Variants in BCKDHA observed in about 807,000 individuals in gnomAD.
BCKDHA encodes the protein 2-oxoisovalerate dehydrogenase subunit alpha, mitochondrial.
A neutral mutation model predicts 52.2 loss-of-function variants in BCKDHA; 43 were observed. That is an observed-to-expected ratio of 0.82 (90% confidence interval 0.64 to 1.06). The LOEUF (loss-of-function observed/expected upper bound fraction) is 1.06. Among genes scored for constraint, BCKDHA ranks in the 50% least tolerant of loss-of-function variants. The pLI is 0.00. For missense variants in BCKDHA, 527 were observed against 621.3 expected, an observed-to-expected ratio of 0.85 and a Z score of 1.61; for synonymous variants, 234 against 247.9, an observed-to-expected ratio of 0.94 and a Z score of 0.53.
intron 6 of BCKDHA, 21 bp from the exon 7 acceptor site, chr19:41,422,608 G>C: frequency 6.2e-7 from 1 of 1,613,588 alleles, no homozygotes; most frequent in Middle Eastern, 1.6e-4. Flanking sequence ...GGCCTGACCT[G>C]CCTTCTCTGT....
At position 41,410,687 on chromosome 19, in the gene BCKDHA, G is replaced by C. The variant is rs775471043; in HGVS notation, c.159G>C (p.Gln53His). 134 of 1,614,074 alleles carry C rather than the reference G, an allele frequency of 8.3e-5. No individual in the cohort carries two copies. Among genetic ancestry groups the C allele is most frequent in the Admixed American group, 6.7e-5 (4 of 60,004 alleles). Reference sequence around the variant, plus strand: ...TTTCATCTCTGGATGACAAGCCCCAGTTCCCAGGGGCCTCGGCGGAGTTTA... The same window carrying C: ...TTTCATCTCTGGATGACAAGCCCCACTTCCCAGGGGCCTCGGCGGAGTTTA... ...QQFSSLDDKPQFPGASAEFID... is the reference protein window; with the variant it reads ...QQFSSLDDKPHFPGASAEFID... The change falls in exon 2 of 9, where the codon CAG becomes CAC. Residue 53 changes from glutamine (Q) to histidine (H), a missense_variant. Transcript: ENST00000269980.
Position 41,408,100 on chromosome 19 carries a change from C to T in BCKDHA, c.109-2537C>T, listed in dbSNP as rs531479887. On this transcript the variant is annotated intron_variant, in intron 1 of 8. Transcript: ENST00000269980. Reference sequence around the variant, plus strand: ...CCTCCCAAGTAGCTGGGACCACAGGCATGTGTCACCATGCCTTTCTAATGT... The same window carrying T: ...CCTCCCAAGTAGCTGGGACCACAGGTATGTGTCACCATGCCTTTCTAATGT... Among the ~76,000 whole-genome samples the T allele has an allele frequency of 1.1e-4, 16 of 151,914 alleles. No individual in the cohort carries two copies. The South Asian group carries it at 3.3e-3, about 32-fold the overall frequency.
chr19:41,397,916 C>T lies in BCKDHA; in HGVS notation c.89C>T (p.Ala30Val), dbSNP rs1441070897. ...CTCCTGCTGCTGCGGCAGCCTGGGG[C>T]TCGGGGACTGGCTAGATCTGTGAGT... ...AALLLLRQPG[A>V]RGLARSHPPR... Residue 30 changes from alanine (A) to valine (V), a missense_variant, in exon 1 of 9, where the codon GCT (alanine) becomes GTT (valine). Coordinates refer to ENST00000269980, the MANE Select transcript of BCKDHA (RefSeq NM_000709.4). 6.2e-7 allele frequency: 1 copy of T among 1,614,012 alleles called. No homozygotes were observed. Among genetic ancestry groups the T allele is most frequent in the East Asian group, 2.2e-5 (1 of 44,866 alleles).
chr19:41,423,093 T>A lies in BCKDHA; in HGVS notation c.1091T>A (p.Leu364Gln). 6.4e-7 allele frequency: 1 copy of A among 1,572,844 alleles called. No homozygotes were observed. The highest frequency in any genetic ancestry group is 8.6e-7 in the Non-Finnish European group (1 of 1,158,784). ...AAACAGGACCACCCCATCTCCCGGC[T>A]GCGGCACTATCTGCTGAGCCAAGGC... Reference protein sequence around the residue: ...WDKQDHPISRLRHYLLSQGWW... With the variant: ...WDKQDHPISRQRHYLLSQGWW... Residue 364 changes from leucine (L) to glutamine (Q), a missense_variant, in exon 8 of 9, where the codon CTG becomes CAG. Leu to Gln is a moderately radical substitution (Grantham distance 113). Transcript: ENST00000269980.
chr19:41,419,855 C>T (rs2039346125), intron 5 of BCKDHA, among the ~76,000 whole-genome samples: 1 of 148,754 alleles, frequency 6.7e-6, no homozygotes, highest in South Asian at 2.2e-4. Flanking sequence ...GTAACCTCCA[C>T]CTCCCAGGCT....
At chr19:41,422,452 A>T in intron 6 of BCKDHA, 82 bp downstream of exon 6, 1 of 1,581,568 alleles carries the variant, frequency 6.3e-7, no homozygotes, top group Non-Finnish European at 8.7e-7. Flanking sequence ...TGCCACCCCT[A>T]CCCTCCTTCC....
intron 1 of BCKDHA, chr19:41,400,274 C>G (rs1213899938): frequency 3.3e-5 from 5 of 149,680 alleles, no homozygotes; most frequent in Admixed American, 2.0e-4. Context: ...GAGTCTTGCT[C>G]TGTCACCCAA....
chr19:41,423,198 C>A, intron 8 of BCKDHA, 29 bp downstream of exon 8: 1 of 1,548,942 alleles, frequency 6.5e-7, no homozygotes, highest in East Asian at 2.4e-5. Flanking sequence ...GGAGGGTGTG[C>A]TGGGGGCTGC....
chr19:41,403,510 G>T (rs2039159572), intron 1 of BCKDHA, among the ~76,000 whole-genome samples: 2 of 152,208 alleles, frequency 1.3e-5, no homozygotes, highest in South Asian at 4.1e-4. Context: ...ACCTATAGCA[G>T]CCATGCCAGT....
At chr19:41,420,635 G>A (rs932043784) in intron 5 of BCKDHA, among the ~76,000 whole-genome samples, 22 of 151,630 alleles carry the variant, frequency 1.5e-4, no homozygotes, top group Admixed American at 1.2e-3. Context: ...GAAGTCACTC[G>A]CTAACGGTCA....
intron 4 of BCKDHA, among the ~76,000 whole-genome samples, chr19:41,415,815 A>C (rs1568505481): frequency 1.2e-5 from 1 of 83,520 alleles, no homozygotes; most frequent in Non-Finnish European, 2.3e-5. Context: ...TGCCTGGCTA[A>C]TTTTTTGTAT....
chr19:41,408,464 T>C (rs1173729094), intron 1 of BCKDHA, among the ~76,000 whole-genome samples: 1 of 152,108 alleles, frequency 6.6e-6, no homozygotes, highest in Non-Finnish European at 1.5e-5. Context: ...CCTCGGCTGG[T>C]TCTAGGCTGC....
At chr19:41,402,201 G>A (rs980261258) in intron 1 of BCKDHA, among the ~76,000 whole-genome samples, 3 of 152,050 alleles carry the variant, frequency 2.0e-5, no homozygotes. Flanking sequence ...CCTCCCACTG[G>A]CTCCTTCCCA....
chr19:41,409,756 C>T lies in BCKDHA; in HGVS notation c.109-881C>T, dbSNP rs376398747. ...ATTTTTATAGACAAGGAAGGGGACA[C>T]GTGGAGAGGGGAAGTTACTTTGCCA... On this transcript the variant is annotated intron_variant, in intron 1 of 8. Transcript: ENST00000269980. Among the ~76,000 whole-genome samples, 456 of 149,942 alleles carry T rather than the reference C, an allele frequency of 3.0e-3. 4 individuals are homozygous for T. Among genetic ancestry groups the T allele is most frequent in the South Asian group, 0.027 (130 of 4,734 alleles).
At position 41,410,641 on chromosome 19, in the gene BCKDHA, C is replaced by T. The variant is rs1568503646; in HGVS notation, c.113C>T (p.Pro38Leu). Reference sequence around the variant, plus strand: ...CTCCTCTGCTCTCTTCCCCAGCACCCCCCCAGGCAGCAGCAGCAGTTTTCA... The same window carrying T: ...CTCCTCTGCTCTCTTCCCCAGCACCTCCCCAGGCAGCAGCAGCAGTTTTCA... The part of the protein sequence containing the change: ...PGARGLARSH[P>L]PRQQQQFSSL... The change falls in exon 2 of 9, where the codon CCC becomes CTC. Residue 38 changes from proline to leucine, a missense_variant. Coordinates refer to ENST00000269980, the MANE Select transcript of BCKDHA (RefSeq NM_000709.4). 6.2e-7 allele frequency: 1 copy of T among 1,614,166 alleles called. No homozygotes were observed. Among genetic ancestry groups the T allele is most frequent in the Non-Finnish European group, 8.5e-7 (1 of 1,180,040 alleles).
Position 41,400,922 on chromosome 19 carries a change from G to A in BCKDHA, c.108+2987G>A, listed in dbSNP as rs190632182. Among the ~76,000 whole-genome samples, 406 of 151,888 alleles carry A rather than the reference G, an allele frequency of 2.7e-3. 2 individuals carry two copies. The highest frequency in any genetic ancestry group is 9.3e-3 in the African/African-American group (388 of 41,500). On this transcript the variant is annotated intron_variant, in intron 1 of 8. Transcript: ENST00000269980. Reference sequence around the variant, plus strand: ...AGCTACTTGGGAGGCTGAGGCAGAAGAATCGCTTGAACCTGGGAGGCGGAG... The same window carrying A: ...AGCTACTTGGGAGGCTGAGGCAGAAAAATCGCTTGAACCTGGGAGGCGGAG...
rs756725409 is a variant in BCKDHA, at chr19:41,414,116, T to G, written c.443T>G (p.Leu148Arg). The change falls in exon 4 of 9, where the codon CTG becomes CGG. Residue 148 changes from leucine (L) to arginine (R), a missense_variant. Coordinates refer to ENST00000269980, the MANE Select transcript of BCKDHA (RefSeq NM_000709.4). ...ACGCACGTGGGGAGTGCCGCCGCCCTGGACAACACGGACCTGGTGTTTGGC... is the reference window on the plus strand; with the variant it reads ...ACGCACGTGGGGAGTGCCGCCGCCCGGGACAACACGGACCTGGTGTTTGGC... The part of the protein sequence containing the change: ...EGTHVGSAAA[L>R]DNTDLVFGQY... 1 of 1,613,742 alleles carries G rather than the reference T, an allele frequency of 6.2e-7. No homozygotes were observed. The highest frequency in any genetic ancestry group is 8.5e-7 in the Non-Finnish European group (1 of 1,180,030).
Position 41,423,011 on chromosome 19 carries a change from A to G in BCKDHA, c.1009A>G (p.Ser337Gly). ...EAMTYRIGHH[S>G]TSDDSSAYRS... ...GCCCCTGTGCAGGATCGGGCACCAC[A>G]GCACCAGTGACGACAGTTCAGCGTA... The change falls in exon 8 of 9, where the codon AGC becomes GGC. Residue 337 changes from serine (S) to glycine (G), a missense_variant. Transcript: ENST00000269980. 1 of 1,609,588 alleles carries G rather than the reference A, an allele frequency of 6.2e-7. No homozygotes were observed.
chr19:41,408,548 G>A (rs1039340687), intron 1 of BCKDHA, among the ~76,000 whole-genome samples: 16 of 152,004 alleles, frequency 1.1e-4, no homozygotes, highest in African/African-American at 3.6e-4. Flanking sequence ...AGGTCTCCTG[G>A]GCTTTCTCAG....
Sources: gnomAD v4.1 joint callset for allele counts (sites outside exome capture counted in the v4.1 genomes callset) on GRCh38, gnomAD v4.1.1 for gene constraint, MANE v1.5 for transcripts, NCBI Gene and HGNC (gene_info 2026-07-23, HGNC 2026-07-21) for gene names.